Variants in TBC1D22A observed in about 807,000 individuals in gnomAD.
TBC1D22A encodes putative GTPase activator.
A neutral mutation model predicts 60.2 loss-of-function variants in TBC1D22A; 38 were observed. The ratio of observed to expected loss-of-function variants is 0.63; its 90% CI spans 0.49 to 0.83. TBC1D22A has a LOEUF of 0.83. Among genes scored for constraint, TBC1D22A ranks in the 40% least tolerant of loss-of-function variants. TBC1D22A has a pLI of 0.00. For missense variants in TBC1D22A, 628 were observed against 701.0 expected, an observed-to-expected ratio of 0.90 and a Z score of 1.18; for synonymous variants, 302 against 281.7, an observed-to-expected ratio of 1.07 and a Z score of -0.72.
At position 46,795,882 on chromosome 22, in the gene TBC1D22A, TC is replaced by T. The variant is rs2146921169; in HGVS notation, c.461-1560del. 2.0e-5 allele frequency among the ~76,000 whole-genome samples: 3 copies of T among 152,298 alleles called. No homozygotes were observed. In the South Asian group the frequency reaches 6.2e-4, roughly 32 times the overall value. On this transcript the variant is annotated intron_variant, in intron 3 of 12. Transcript: ENST00000337137. ...CTGGGACTCAGTGCACAGCTGCTCT[TC>T]CTGCTGAATATTCACTCTGAGGAAC...
chr22:47,004,003 C>G (rs1395860970), intron 10 of TBC1D22A, among the ~76,000 whole-genome samples: 1 of 150,486 alleles, frequency 6.6e-6, no homozygotes, highest in African/African-American at 2.5e-5. Context: ...TATACACACA[C>G]CCTACGCACG....
intron 4 of TBC1D22A, among the ~76,000 whole-genome samples, chr22:46,874,543 T>C (rs2067444828): frequency 6.6e-6 from 1 of 151,188 alleles, no homozygotes; most frequent in South Asian, 2.1e-4. Context: ...TTCATATGTT[T>C]GTTTGGCTAC....
At chr22:47,065,823 A>G (rs2063756377) in intron 11 of TBC1D22A, among the ~76,000 whole-genome samples, 1 of 152,120 alleles carries the variant, frequency 6.6e-6, no homozygotes, top group Non-Finnish European at 1.5e-5. Flanking sequence ...TCCTGCTCTG[A>G]GTTCCTCAGT....
At chr22:46,830,585 A>G (rs1328991038) in intron 4 of TBC1D22A, among the ~76,000 whole-genome samples, 2 of 152,198 alleles carry the variant, frequency 1.3e-5, no homozygotes, top group Non-Finnish European at 2.9e-5. Context: ...TTGCCAGGAC[A>G]GTGTGTGTCA....
chr22:47,008,531 AT>A lies in TBC1D22A; in HGVS notation c.1201+10825del, dbSNP rs1195251770. ...TCAGGACCAGTCTTTGTGGAGGCTG[AT>A]TTGTAAGGCAGCCTCTGTGTCCAGT... On this transcript the variant is annotated intron_variant, in intron 10 of 12. Transcript: ENST00000337137. Among the ~76,000 whole-genome samples the A allele has an allele frequency of 9.8e-5, 15 of 152,298 alleles. 2 individuals carry two copies. Among genetic ancestry groups the A allele is most frequent in the Admixed American group, 5.9e-4 (9 of 15,298 alleles).
chr22:47,099,591 A>G (rs1047157286), intron 11 of TBC1D22A, among the ~76,000 whole-genome samples: 3 of 151,954 alleles, frequency 2.0e-5, no homozygotes, highest in African/African-American at 7.3e-5. Flanking sequence ...GACTACAGGC[A>G]TGTGCCACCA....
At chr22:46,988,969 G>A (rs2074831762) in intron 9 of TBC1D22A, among the ~76,000 whole-genome samples, 1 of 152,232 alleles carries the variant, frequency 6.6e-6, no homozygotes. Context: ...ACCTTCGTCA[G>A]TTATCTTGGC....
intron 4 of TBC1D22A, among the ~76,000 whole-genome samples, chr22:46,809,871 TTTG>T (rs1165971854): frequency 6.6e-6 from 1 of 152,154 alleles, no homozygotes; most frequent in Non-Finnish European, 1.5e-5. Flanking sequence ...ATAGATGGCA[TTTG>T]TTGTCCTTTT....
intron 9 of TBC1D22A, among the ~76,000 whole-genome samples, chr22:46,982,606 G>A (rs2074558145): frequency 6.6e-6 from 1 of 152,224 alleles, no homozygotes; most frequent in African/African-American, 2.4e-5. Context: ...GGTCTTAGGG[G>A]AGATGGTCTG....
Position 47,174,901 on chromosome 22 carries a change from G to A in TBC1D22A, c.*1275G>A, listed in dbSNP as rs2207680. 0.57 allele frequency: 87,036 copies of A among 152,024 alleles called. 25,080 individuals carry two copies. The highest frequency in any genetic ancestry group is 0.59 in the African/African-American group (24,569 of 41,428). The allele number at this position is 152,024 out of a possible 1,614,324, so 9.4% of individuals were successfully genotyped here. A position where few individuals can be genotyped will look rare whatever the true frequency, so the allele number is the denominator to read the frequency against. On this transcript the variant is annotated 3_prime_UTR_variant, in exon 13 of 13. Transcript: ENST00000337137. ...GGGGCCTTGGGACTGGCTTCCCAGC[G>A]TTCCCTCGGTGTGTCACAGGCTGCA...
At chr22:46,967,465 C>G (rs1177142760) in intron 8 of TBC1D22A, among the ~76,000 whole-genome samples, 7 of 152,212 alleles carry the variant, frequency 4.6e-5, no homozygotes, top group Non-Finnish European at 8.8e-5. Context: ...TTTTTGATTA[C>G]CAGTTAAGCT....
intron 11 of TBC1D22A, among the ~76,000 whole-genome samples, chr22:47,047,665 G>A (rs749206213): frequency 6.6e-6 from 1 of 152,250 alleles, no homozygotes; most frequent in Non-Finnish European, 1.5e-5. Context: ...CAGGCCTGCA[G>A]TTTGATGGGA....
At chr22:47,040,628 G>C (rs2148408289) in intron 11 of TBC1D22A, among the ~76,000 whole-genome samples, 1 of 152,238 alleles carries the variant, frequency 6.6e-6, no homozygotes, top group South Asian at 2.1e-4. Flanking sequence ...GGTGCATGAG[G>C]CTGCTGGGGA....
At chr22:46,827,375 C>T (rs183569659) in intron 4 of TBC1D22A, among the ~76,000 whole-genome samples, 47 of 152,348 alleles carry the variant, frequency 3.1e-4, no homozygotes, top group African/African-American at 1.1e-3. Flanking sequence ...CTCTTAATGA[C>T]GTTGGCATTT....
At chr22:46,774,720 G>A (rs2083627186) in intron 1 of TBC1D22A, among the ~76,000 whole-genome samples, 1 of 152,190 alleles carries the variant, frequency 6.6e-6, no homozygotes, top group Admixed American at 6.5e-5. Context: ...CCAAGGCAGA[G>A]CCCTTTCCGG....
At chr22:46,849,805 C>T (rs1356873458) in intron 4 of TBC1D22A, among the ~76,000 whole-genome samples, 1 of 152,180 alleles carries the variant, frequency 6.6e-6, no homozygotes, top group Admixed American at 6.5e-5. Context: ...CGCCTGGTCC[C>T]GTAGTTTCTC....
chr22:47,037,870 G>T (rs1291883125), intron 11 of TBC1D22A, among the ~76,000 whole-genome samples: 3 of 152,124 alleles, frequency 2.0e-5, no homozygotes, highest in Non-Finnish European at 1.5e-5. Context: ...AAAAACTCAC[G>T]CTCAGGACTC....
chr22:47,049,799 A>C (rs2063149996), intron 11 of TBC1D22A, among the ~76,000 whole-genome samples: 1 of 152,132 alleles, frequency 6.6e-6, no homozygotes, highest in African/African-American at 2.4e-5. Context: ...GTGGTGCGTG[A>C]TTTTTCAGTG....
chr22:47,129,020 C>T (rs567699058), intron 12 of TBC1D22A, among the ~76,000 whole-genome samples: 1 of 152,322 alleles, frequency 6.6e-6, no homozygotes, highest in African/African-American at 2.4e-5. Context: ...CACCAGGATA[C>T]GTAGGCCTCT....
Sources: allele counts gnomAD v4.1 joint callset (sites outside exome capture counted in the v4.1 genomes callset), GRCh38; gene constraint gnomAD v4.1.1; transcripts MANE v1.5; gene names NCBI Gene and HGNC (gene_info 2026-07-23, HGNC 2026-07-21).